PKP1: variants seen among roughly 807,000 people sequenced by gnomAD.
PKP1 encodes the protein plakophilin 1.
In PKP1, 27 loss-of-function variants were observed where a neutral mutation model predicts 76.4. The ratio of observed to expected loss-of-function variants is 0.35; its 90% confidence interval spans 0.26 to 0.49. The LOEUF is 0.49. Ranked by LOEUF, PKP1 falls within the 20% of genes least tolerant of loss-of-function variation. PKP1 has a pLI of 0.99. For missense variants in PKP1, 964 were observed against 955.2 expected, an observed-to-expected ratio of 1.01 and a Z score of -0.12; for synonymous variants, 404 against 384.2, an observed-to-expected ratio of 1.05 and a Z score of -0.60.
intron 1 of PKP1, among the ~76,000 whole-genome samples, chr1:201,289,083 C>A (rs1166604513): frequency 6.6e-6 from 1 of 152,198 alleles, no homozygotes; most frequent in Non-Finnish European, 1.5e-5. Flanking sequence ...CCACGGTGCT[C>A]CCAGCAGCCC....
At chr1:201,318,563 T>G (rs1571558644) in intron 5 of PKP1, 55 bp from the exon 6 acceptor site, 1 of 1,535,324 alleles carries the variant, frequency 6.5e-7, no homozygotes, top group East Asian at 2.2e-5. Flanking sequence ...GTTACCTCGG[T>G]CCCTAGGGCA....
intron 3 of PKP1, chr1:201,316,117 C>CGGACGGACGGACGGACGGACGGACGGAT (rs1310818473): frequency 2.8e-5 from 1 of 36,098 alleles, no homozygotes; most frequent in Non-Finnish European, 8.2e-5. Context: ...GATGGATGGA[C>CGGACGGACGGACGGACGGACGGACGGAT]GGATGGACGG....
chr1:201,309,691 G>A (rs903052714), intron 2 of PKP1, among the ~76,000 whole-genome samples: 7 of 152,136 alleles, frequency 4.6e-5, no homozygotes, highest in East Asian at 1.9e-4. Flanking sequence ...GCGGGCGCAC[G>A]TGCACTGCCC....
At chr1:201,288,055 C>T (rs1004798655) in intron 1 of PKP1, among the ~76,000 whole-genome samples, 2 of 152,076 alleles carry the variant, frequency 1.3e-5, no homozygotes, top group Admixed American at 1.3e-4. Context: ...AACATGCACA[C>T]ACTTATGTTA....
intron 2 of PKP1, among the ~76,000 whole-genome samples, chr1:201,294,418 C>G (rs1656018525): frequency 6.6e-6 from 1 of 152,190 alleles, no homozygotes; most frequent in East Asian, 1.9e-4. Flanking sequence ...AGGGTCATCT[C>G]TGTTCGTTCT....
chr1:201,318,560 C>A (rs190299806), intron 5 of PKP1, 58 bp from the exon 6 acceptor site: 1 of 1,512,736 alleles, frequency 6.6e-7, no homozygotes, highest in South Asian at 1.1e-5. Flanking sequence ...GCTGTTACCT[C>A]GGTCCCTAGG....
At chr1:201,303,952 C>A (rs997065115) in intron 2 of PKP1, among the ~76,000 whole-genome samples, 1 of 152,202 alleles carries the variant, frequency 6.6e-6, no homozygotes, top group Non-Finnish European at 1.5e-5. Flanking sequence ...CTGCCCCACG[C>A]CTGGCTGAAC....
chr1:201,285,284 T>G (rs1352485935), intron 1 of PKP1, among the ~76,000 whole-genome samples: 1 of 150,168 alleles, frequency 6.7e-6, no homozygotes, highest in East Asian at 2.0e-4. Context: ...TCCTTCTACC[T>G]GTGGCTTCTG....
At position 201,324,964 on chromosome 1, in the gene PKP1, A is replaced by G; in HGVS notation, c.1858A>G (p.Thr620Ala). The G allele has an allele frequency of 1.9e-6, 3 of 1,613,668 alleles. No homozygotes were observed. Among genetic ancestry groups the G allele is most frequent in the Non-Finnish European group, 1.7e-6 (2 of 1,179,984 alleles). ...AGGGAACCAGGTGTTCCCGGAGGTG[A>G]CCAGGCTCCTCACCAGCCACACTGG... Reference protein sequence around the residue: ...VMGNQVFPEVTRLLTSHTGNT... With the variant: ...VMGNQVFPEVARLLTSHTGNT... Residue 620 changes from threonine to alanine, a missense_variant, in exon 11 of 14, where the codon ACC becomes GCC. By Grantham distance (58) the Thr-to-Ala change is moderately conservative (BLOSUM62 0). Coordinates refer to ENST00000367324, the MANE Select transcript of PKP1 (RefSeq NM_001005337.3).
At chr1:201,297,005 G>C (rs1656097995) in intron 2 of PKP1, among the ~76,000 whole-genome samples, 2 of 152,074 alleles carry the variant, frequency 1.3e-5, no homozygotes, top group Admixed American at 1.3e-4. Flanking sequence ...ATTCCAAAAA[G>C]AAGGCTCTAA....
At chr1:201,324,384 TG>T (rs36076398) in intron 9 of PKP1, 43 bp from the exon 10 acceptor site, 996,513 of 1,610,504 alleles carry the variant, frequency 0.62, 317,097 homozygotes, top group East Asian at 0.72. Context: ...CCATGGTGCC[TG>T]GGAAGCCACA....
At chr1:201,328,255 G>A (rs1657209805) in intron 12 of PKP1, 1 of 232,068 alleles carries the variant, frequency 4.3e-6, no homozygotes, top group Non-Finnish European at 8.5e-6. Flanking sequence ...GGGCTAGTGG[G>A]GCTGGAGGTG....
At chr1:201,302,152 C>T (rs1656250228) in intron 2 of PKP1, among the ~76,000 whole-genome samples, 2 of 152,236 alleles carry the variant, frequency 1.3e-5, no homozygotes, top group Non-Finnish European at 2.9e-5. Context: ...CTTGTACAAA[C>T]TGCTTGTGTT....
At chr1:201,290,062 A>G (rs150984779) in intron 1 of PKP1, among the ~76,000 whole-genome samples, 126 of 152,262 alleles carry the variant, frequency 8.3e-4, no homozygotes, top group African/African-American at 2.9e-3. Flanking sequence ...TTTTGAGGCG[A>G]GAAAGCTTGA....
At chr1:201,305,477 A>C (rs1656345457) in intron 2 of PKP1, among the ~76,000 whole-genome samples, 1 of 152,172 alleles carries the variant, frequency 6.6e-6, no homozygotes, top group Admixed American at 6.5e-5. Context: ...TGATGGCAGC[A>C]CTCCACTCCA....
chr1:201,302,617 C>A (rs1306717424), intron 2 of PKP1, among the ~76,000 whole-genome samples: 1 of 152,182 alleles, frequency 6.6e-6, no homozygotes, highest in East Asian at 1.9e-4. Context: ...AGGGCCCTGG[C>A]ATGTCTCTAC....
chr1:201,295,664 T>G (rs1264181596), intron 2 of PKP1, among the ~76,000 whole-genome samples: 1 of 152,238 alleles, frequency 6.6e-6, no homozygotes, highest in Non-Finnish European at 1.5e-5. Context: ...GTTCTAGTCC[T>G]AGTTCTGCCC....
chr1:201,283,672 C>T lies in PKP1; in HGVS notation c.-31C>T. The T allele has an allele frequency of 6.2e-7, 1 of 1,601,406 alleles. No individual in the cohort carries two copies. The highest frequency in any genetic ancestry group is 1.1e-5 in the South Asian group (1 of 89,922). ...GCCTCGCCTCTCTGCTCTCCTAGGC[C>T]CCGGCCGCGCGCCACCCGCCTCCCG... is the stretch of plus-strand genomic sequence containing the variant. On this transcript the variant is annotated 5_prime_UTR_variant, in exon 1 of 14. Transcript: ENST00000367324.
intron 3 of PKP1, among the ~76,000 whole-genome samples, chr1:201,315,879 T>C (rs1656705152): frequency 6.6e-6 from 1 of 152,048 alleles, no homozygotes; most frequent in Admixed American, 6.6e-5. Flanking sequence ...GGGTATGAAA[T>C]TTTAGATGGG....
Sources: allele counts gnomAD v4.1 joint callset (sites outside exome capture counted in the v4.1 genomes callset), GRCh38; gene constraint gnomAD v4.1.1; transcripts MANE v1.5; gene names NCBI Gene and HGNC (gene_info 2026-07-23, HGNC 2026-07-21).